The following SUSD1 variants were observed in gnomAD, a reference collection of about 807,000 sequenced individuals.
SUSD1 encodes sushi domain containing 1, also known as sushi domain-containing protein 1.
A neutral mutation model predicts 86.9 loss-of-function variants in SUSD1; 65 were observed. The ratio of observed to expected loss-of-function variants is 0.75; its 90% confidence interval spans 0.61 to 0.92. The LOEUF is 0.92. SUSD1 is among the 40% of genes least tolerant of loss of function. The probability of loss-of-function intolerance (pLI) is 0.00; values close to 1 mark genes in which losing one functional copy is unlikely to be tolerated. For synonymous variants in SUSD1, 346 were observed against 350.0 expected (o/e 0.99, Z 0.13); for missense variants, 850 against 929.7 (o/e 0.91, Z 1.11).
intron 5 of SUSD1, among the ~76,000 whole-genome samples, chr9:112,128,160 T>C (rs1220688104): frequency 6.6e-6 from 1 of 152,038 alleles, no homozygotes. Context: ...TGGCACGATC[T>C]CAGCTCATTG....
rs956561622 is a variant in SUSD1 at position 112,042,246 on chromosome 9, T to C, written c.2150-286A>G. 7 of 1,217,744 alleles carry C rather than the reference T, an allele frequency of 5.7e-6. No homozygotes were observed. In the Admixed American group the frequency reaches 1.6e-4, roughly 27 times the overall value. 75.4% of individuals were successfully genotyped at this position (1,217,744 alleles called of 1,614,324 possible). A position where few individuals can be genotyped will look rare whatever the true frequency, so the allele number is the denominator to read the frequency against. ...AATCTTGTTGAGCACACAAATACTA[T>C]GCAACGTGTTACATTTTTTGTTGGT... On this transcript the variant is annotated intron_variant, in intron 15 of 16. Coordinates refer to ENST00000374270, the MANE Select transcript of SUSD1 (RefSeq NM_022486.5).
At chr9:112,147,149 C>T (rs1435047598) in intron 3 of SUSD1, among the ~76,000 whole-genome samples, 1 of 152,172 alleles carries the variant, frequency 6.6e-6, no homozygotes, top group Non-Finnish European at 1.5e-5. Context: ...CTATGACTAA[C>T]ACTTTATACT....
At chr9:112,090,204 G>T (rs1357604936) in intron 10 of SUSD1, among the ~76,000 whole-genome samples, 3 of 152,046 alleles carry the variant, frequency 2.0e-5, no homozygotes, top group East Asian at 3.9e-4. Flanking sequence ...AATTCAAAAA[G>T]TTAAACGAAA....
intron 12 of SUSD1, among the ~76,000 whole-genome samples, chr9:112,064,594 G>A (rs1042302891): frequency 2.0e-5 from 3 of 152,202 alleles, no homozygotes; most frequent in African/African-American, 7.2e-5. Context: ...TTGGCCGGGT[G>A]CGGGGGTGCG....
chr9:112,121,069 G>A (rs539698162), intron 6 of SUSD1, among the ~76,000 whole-genome samples: 5 of 152,206 alleles, frequency 3.3e-5, no homozygotes, highest in South Asian at 2.1e-4. Flanking sequence ...CTAGTCCAGC[G>A]TGGCATTAGC....
At chr9:112,169,031 T>G (rs534524439) in intron 1 of SUSD1, among the ~76,000 whole-genome samples, 32 of 152,210 alleles carry the variant, frequency 2.1e-4, no homozygotes, top group Admixed American at 3.9e-4. Flanking sequence ...TAAAATTGCA[T>G]TGCTCTTAAG....
intron 1 of SUSD1, among the ~76,000 whole-genome samples, chr9:112,160,370 C>G (rs1475754093): frequency 6.6e-6 from 1 of 151,636 alleles, no homozygotes; most frequent in East Asian, 1.9e-4. Flanking sequence ...GTGGTGAAAC[C>G]CCATCTCTCC....
chr9:112,041,788 A>C, intron 16 of SUSD1, 79 bp downstream of exon 16: 2 of 1,410,726 alleles, frequency 1.4e-6, no homozygotes, highest in Non-Finnish European at 2.0e-6. Flanking sequence ...GACTCCCCTC[A>C]TCCCCAGCTG....
chr9:112,165,471 A>G (rs927969775), intron 1 of SUSD1, among the ~76,000 whole-genome samples: 13 of 139,506 alleles, frequency 9.3e-5, no homozygotes, highest in Non-Finnish European at 6.0e-5. Context: ...GAGCATTGGC[A>G]CGATCACAGC....
chr9:112,143,966 A>G (rs1456206335), intron 3 of SUSD1, among the ~76,000 whole-genome samples: 1 of 152,080 alleles, frequency 6.6e-6, no homozygotes, highest in East Asian at 1.9e-4. Flanking sequence ...CTGACCGGGC[A>G]TGGTGGCTCA....
intron 2 of SUSD1, among the ~76,000 whole-genome samples, chr9:112,156,335 A>G (rs189746596): frequency 0.018 from 2,755 of 151,794 alleles, 35 homozygotes; most frequent in Non-Finnish European, 0.029. Flanking sequence ...GGTGGCACAT[A>G]CCTGTAATCC....
intron 6 of SUSD1, among the ~76,000 whole-genome samples, chr9:112,115,853 T>C (rs888937404): frequency 3.5e-5 from 3 of 86,654 alleles, no homozygotes; most frequent in African/African-American, 1.2e-4. Flanking sequence ...ATACTCCAAT[T>C]ATGAGCATGG....
chr9:112,100,888 A>ACACACACACT (rs1564294438), intron 9 of SUSD1, among the ~76,000 whole-genome samples: 1 of 151,622 alleles, frequency 6.6e-6, no homozygotes. Context: ...ACACACACAC[A>ACACACACACT]CAAATAAAAT....
intron 12 of SUSD1, among the ~76,000 whole-genome samples, chr9:112,069,818 C>T (rs1829179284): frequency 6.6e-6 from 1 of 151,828 alleles, no homozygotes; most frequent in Non-Finnish European, 1.5e-5. Context: ...GAGGCAACTG[C>T]AGACCGAGCA....
intron 16 of SUSD1, 150 bp downstream of exon 16, chr9:112,041,717 T>C: frequency 1.3e-6 from 1 of 746,968 alleles, no homozygotes; most frequent in Admixed American, 2.1e-5. Context: ...GGGTTAGTCA[T>C]GCCTTTCACC....
chr9:112,132,313 C>T (rs573239232), intron 5 of SUSD1, among the ~76,000 whole-genome samples: 81 of 152,220 alleles, frequency 5.3e-4, no homozygotes, highest in African/African-American at 1.9e-3. Context: ...TTGCCAACTG[C>T]CAGGGGAATT....
chr9:112,052,153 A>C, intron 15 of SUSD1: 6 of 1,439,370 alleles, frequency 4.2e-6, no homozygotes, highest in Non-Finnish European at 5.4e-6. Context: ...AGTCCCACTC[A>C]CGGTGTTGAG....
intron 15 of SUSD1, among the ~76,000 whole-genome samples, chr9:112,042,390 G>A (rs543497226): frequency 4.6e-5 from 7 of 152,286 alleles, no homozygotes; most frequent in Admixed American, 4.6e-4. Flanking sequence ...CTGATGGTCA[G>A]ATAGAGCAAA....
At chr9:112,063,647 A>C (rs1188341328) in intron 12 of SUSD1, among the ~76,000 whole-genome samples, 3 of 152,120 alleles carry the variant, frequency 2.0e-5, no homozygotes, top group African/African-American at 7.2e-5. Flanking sequence ...TTTCCCAAAT[A>C]GGTTTTCCAT....
Sources: allele counts gnomAD v4.1 joint callset (sites outside exome capture counted in the v4.1 genomes callset), GRCh38; gene constraint gnomAD v4.1.1; transcripts MANE v1.5; gene names NCBI Gene and HGNC (gene_info 2026-07-23, HGNC 2026-07-21).